MED13: variants seen among roughly 807,000 people sequenced by gnomAD.
MED13 encodes the protein mediator complex subunit 13.
A neutral mutation model predicts 225.2 loss-of-function variants in MED13; 23 were observed. The ratio of observed to expected loss-of-function variants is 0.10; its 90% CI spans 0.07 to 0.14. The LOEUF (loss-of-function observed/expected upper bound fraction) is 0.14, where lower values mean the gene tolerates loss of function less well. Among genes scored for constraint, MED13 ranks in the 10% least tolerant of loss-of-function variants. MED13 has a pLI of 1.00. For synonymous variants in MED13, 942 were observed against 889.2 expected (o/e 1.06, Z -1.06); for missense variants, 2,197 against 2,594.5 (o/e 0.85, Z 3.33).
chr17:61,967,800 A>G (rs901954436), intron 18 of MED13, among the ~76,000 whole-genome samples: 2 of 152,186 alleles, frequency 1.3e-5, no homozygotes, highest in Admixed American at 6.5e-5. Flanking sequence ...ATATATATCT[A>G]TATGCCCTCA....
chr17:61,968,568 G>A (rs1257640449), intron 17 of MED13, among the ~76,000 whole-genome samples: 5 of 152,088 alleles, frequency 3.3e-5, no homozygotes, highest in African/African-American at 4.8e-5. Flanking sequence ...CCTTGTGTCC[G>A]CCCACCTCGG....
At chr17:61,996,246 G>A (rs1408969364) in intron 9 of MED13, among the ~76,000 whole-genome samples, 1 of 152,126 alleles carries the variant, frequency 6.6e-6, no homozygotes, top group Non-Finnish European at 1.5e-5. Flanking sequence ...CCGACTGCTC[G>A]GTGAGTGTGA....
intron 28 of MED13, among the ~76,000 whole-genome samples, chr17:61,947,487 G>A (rs749297021): frequency 6.6e-5 from 10 of 152,076 alleles, no homozygotes; most frequent in Non-Finnish European, 1.2e-4. Context: ...GTTTAAGGAG[G>A]CACTAAATTG....
chr17:62,064,164 T>C (rs767649487), intron 1 of MED13, among the ~76,000 whole-genome samples: 4 of 152,218 alleles, frequency 2.6e-5, no homozygotes, highest in Non-Finnish European at 4.4e-5. Context: ...TTACCTATCA[T>C]ATACTCTTAA....
chr17:62,045,250 T>A (rs2080888570), intron 3 of MED13, among the ~76,000 whole-genome samples: 1 of 152,230 alleles, frequency 6.6e-6, no homozygotes, highest in African/African-American at 2.4e-5. Flanking sequence ...CTATTCTGTA[T>A]ACCCTCCTAG....
rs907791913 is a variant in MED13, at chr17:61,984,622, A to C, written c.2691+29T>G. On this transcript the variant is annotated intron_variant, in intron 14 of 29. Coordinates refer to ENST00000397786, the MANE Select transcript of MED13 (RefSeq NM_005121.3). ...ATTCTATAAGAAAATATAGGAAGTG[A>C]ATTATTTTTCTAGAAAAAACATACT... The C allele has an allele frequency of 2.0e-6, 3 of 1,537,360 alleles. No homozygotes were observed. In the African/African-American group the frequency reaches 4.2e-5, roughly 21 times the overall value.
At chr17:62,023,380 T>G (rs2080668727) in intron 8 of MED13, among the ~76,000 whole-genome samples, 1 of 152,282 alleles carries the variant, frequency 6.6e-6, no homozygotes. Context: ...CTATGACTTC[T>G]AGCACTGAAA....
chr17:61,961,860 C>A (rs1260889438), intron 21 of MED13, 81 bp from the exon 22 acceptor site: 1 of 1,298,572 alleles, frequency 7.7e-7, no homozygotes, highest in East Asian at 2.3e-5. Context: ...ACTCTAAAAA[C>A]TTTTTACTAG....
Position 61,965,024 on chromosome 17 carries a change from T to G in MED13, c.4826A>C (p.His1609Pro), listed in dbSNP as rs1458014483. Residue 1609 changes from histidine (H) to proline (P), a missense_variant, in exon 20 of 30, where the codon CAT becomes CCT. By Grantham distance (77) the His-to-Pro change is moderately conservative. Coordinates refer to ENST00000397786, the MANE Select transcript of MED13 (RefSeq NM_005121.3). ...GESSSLPTQPHPDVSESTMDR... is the reference protein window; with the variant it reads ...GESSSLPTQPPPDVSESTMDR... The stretch of plus-strand genomic sequence containing the variant: ...AAGGTACCTTTCAGACACATCAGGA[T>G]GCGGCTGAGTGGGAAGTGAAGATGA... 6.2e-7 allele frequency: 1 copy of G among 1,614,012 alleles called. No individual in the cohort carries two copies. The highest frequency in any genetic ancestry group is 2.2e-5 in the East Asian group (1 of 44,876).
chr17:62,022,103 G>C (rs1393402342), intron 8 of MED13, among the ~76,000 whole-genome samples: 1 of 151,486 alleles, frequency 6.6e-6, no homozygotes, highest in African/African-American at 2.4e-5. Flanking sequence ...AGGAGACGGA[G>C]GTTGCAGTGA....
chr17:61,994,493 T>C (rs2080330696), intron 10 of MED13, among the ~76,000 whole-genome samples: 1 of 152,240 alleles, frequency 6.6e-6, no homozygotes, highest in East Asian at 1.9e-4. Context: ...CTCAGTGATG[T>C]ATATTTTATT....
At chr17:62,001,429 C>T (rs958441065) in intron 9 of MED13, among the ~76,000 whole-genome samples, 1 of 152,180 alleles carries the variant, frequency 6.6e-6, no homozygotes, top group South Asian at 2.1e-4. Flanking sequence ...TTTCAAGCAA[C>T]CTTTCAATAA....
intron 28 of MED13, among the ~76,000 whole-genome samples, chr17:61,948,853 G>C (rs1019927241): frequency 6.6e-6 from 1 of 151,356 alleles, no homozygotes; most frequent in South Asian, 2.1e-4. Context: ...TTGGGAGGCC[G>C]AGGCGGGCGG....
rs752694654 is a variant in MED13, at chr17:62,033,865, A to G, written c.736T>C (p.Leu246=). 2.0e-5 allele frequency: 33 copies of G among 1,613,990 alleles called. 1 individual carries two copies. The highest frequency in any genetic ancestry group is 2.4e-5 in the Non-Finnish European group (28 of 1,180,002). ...TGTTTTTCTTCAGACATCTCCTTCA[A>G]GCAACATGAGATAGGATAGAACTGT... ...WKQFYPISCC[L]KEMSEEKQED... Residue 246 remains leucine (L), a synonymous_variant, in exon 5 of 30, where the codon TTG becomes CTG. Coordinates refer to ENST00000397786, the MANE Select transcript of MED13 (RefSeq NM_005121.3).
chr17:61,999,338 G>C (rs1043366078), intron 9 of MED13, among the ~76,000 whole-genome samples: 5 of 152,060 alleles, frequency 3.3e-5, no homozygotes, highest in African/African-American at 1.2e-4. Flanking sequence ...GTTTCCCTCT[G>C]AATCAGAATC....
At chr17:62,007,042 C>T (rs1422842195) in intron 9 of MED13, 1 of 150,276 alleles carries the variant, frequency 6.7e-6, no homozygotes, top group Admixed American at 6.6e-5. Flanking sequence ...GAGATCAAGA[C>T]CATCCTGGCT....
At chr17:62,011,989 G>A (rs2080513848) in intron 8 of MED13, among the ~76,000 whole-genome samples, 1 of 152,108 alleles carries the variant, frequency 6.6e-6, no homozygotes, top group African/African-American at 2.4e-5. Flanking sequence ...GGATGAGGTG[G>A]GCGGATCACC....
chr17:62,043,722 AC>A, intron 3 of MED13, among the ~76,000 whole-genome samples: 1 of 152,374 alleles, frequency 6.6e-6, no homozygotes, highest in Non-Finnish European at 1.5e-5. Context: ...AGCACAGCAC[AC>A]ACACCTAATT....
Position 61,975,922 on chromosome 17 carries a change from G to A in MED13, c.3806-3034C>T, listed in dbSNP as rs368239852. ...TCCCAGTTACTTGGGAGGCTGAGGC[G>A]GGAGAATTGCTTGAACCTGGGAGGT... is the stretch of plus-strand genomic sequence containing the variant. On this transcript the variant is annotated intron_variant, in intron 16 of 29. Transcript: ENST00000397786. Among the ~76,000 whole-genome samples the A allele has an allele frequency of 6.3e-4, 96 of 151,682 alleles. 1 individual carries two copies. Among genetic ancestry groups the A allele is most frequent in the Admixed American group, 6.1e-3 (93 of 15,246 alleles).
Sources: allele counts gnomAD v4.1 joint callset (sites outside exome capture counted in the v4.1 genomes callset), GRCh38; gene constraint gnomAD v4.1.1; transcripts MANE v1.5; gene names NCBI Gene and HGNC (gene_info 2026-07-23, HGNC 2026-07-21).